INPP4A: variants seen among roughly 807,000 people sequenced by gnomAD.
INPP4A encodes the protein inositol polyphosphate-4-phosphatase, type I, 107kD.
In INPP4A, 33 loss-of-function variants were observed where a neutral mutation model predicts 119.8. The ratio of observed to expected loss-of-function variants is 0.28; its 90% CI spans 0.21 to 0.37. The LOEUF (loss-of-function observed/expected upper bound fraction) is 0.37. Among genes scored for constraint, INPP4A ranks in the 10% least tolerant of loss-of-function variants. The probability of loss-of-function intolerance (pLI) is 1.00; values close to 1 mark genes in which losing one functional copy is unlikely to be tolerated. For synonymous variants in INPP4A, 496 were observed against 500.7 expected, an observed-to-expected ratio of 0.99 and a Z score of 0.12; for missense variants, 956 against 1,289.9, an observed-to-expected ratio of 0.74 and a Z score of 3.97.
intron 22 of INPP4A, chr2:98,571,863 C>G (rs1365755915): frequency 1.3e-5 from 2 of 152,502 alleles, no homozygotes; most frequent in Non-Finnish European, 2.9e-5. Context: ...TGGCTAAGCT[C>G]CCCTCCTCTG....
intron 1 of INPP4A, among the ~76,000 whole-genome samples, chr2:98,445,795 T>C (rs981516079): frequency 6.6e-6 from 1 of 152,198 alleles, no homozygotes; most frequent in Non-Finnish European, 1.5e-5. Flanking sequence ...AATGATGGGT[T>C]CTTCCTGCCC....
chr2:98,488,540 G>A (rs781025966), intron 1 of INPP4A, among the ~76,000 whole-genome samples: 1 of 152,148 alleles, frequency 6.6e-6, no homozygotes, highest in Non-Finnish European at 1.5e-5. Context: ...TTATGCACAG[G>A]CACTCACTCT....
Position 98,568,656 on chromosome 2 carries a change from T to C in INPP4A, c.2506T>C (p.Leu836=), listed in dbSNP as rs766679713. 65 of 1,575,680 alleles carry C rather than the reference T, an allele frequency of 4.1e-5. No homozygotes were observed. In the South Asian group the frequency reaches 7.3e-4, roughly 18 times the overall value. The part of the protein sequence containing the change: ...NSYFEQFKEV[L]PEDCLPRSRS... Reference sequence around the variant, plus strand: ...CTACTTTGAGCAGTTTAAGGAAGTTTTGCCTGAGGATTGTAAGTATTTCTT... The same window carrying C: ...CTACTTTGAGCAGTTTAAGGAAGTTCTGCCTGAGGATTGTAAGTATTTCTT... Residue 836 remains leucine, a synonymous_variant, in exon 22 of 25, where the codon TTG becomes CTG. Coordinates refer to ENST00000409851, the MANE Select transcript of INPP4A (RefSeq NM_001134225.2).
intron 4 of INPP4A, among the ~76,000 whole-genome samples, chr2:98,531,588 G>A (rs561416655): frequency 3.3e-5 from 5 of 152,204 alleles, no homozygotes; most frequent in Admixed American, 6.5e-5. Flanking sequence ...ATACTCAGTG[G>A]GAAAATTATA....
At chr2:98,565,792 G>A (rs1559087986) in intron 20 of INPP4A, 26 bp downstream of exon 20, 1 of 1,602,502 alleles carries the variant, frequency 6.2e-7, no homozygotes, top group Non-Finnish European at 8.5e-7. Context: ...AAAATTCTCT[G>A]AGCCAGAGAG....
intron 1 of INPP4A, among the ~76,000 whole-genome samples, chr2:98,450,789 A>G (rs1253518243): frequency 6.6e-6 from 1 of 151,810 alleles, no homozygotes; most frequent in African/African-American, 2.4e-5. Context: ...TTTGAGATGG[A>G]GTCTCACTCT....
At chr2:98,454,398 G>A (rs372493558) in intron 1 of INPP4A, among the ~76,000 whole-genome samples, 3 of 152,124 alleles carry the variant, frequency 2.0e-5, no homozygotes, top group Admixed American at 6.5e-5. Flanking sequence ...TTGTTTTTTG[G>A]GGGTAGGGGC....
intron 1 of INPP4A, among the ~76,000 whole-genome samples, chr2:98,497,551 T>C (rs544084714): frequency 6.6e-6 from 1 of 152,390 alleles, no homozygotes; most frequent in Non-Finnish European, 1.5e-5. Flanking sequence ...ACATCTTCTT[T>C]TGGGAAATGT....
chr2:98,485,765 A>G (rs886267730), intron 1 of INPP4A, among the ~76,000 whole-genome samples: 2 of 152,218 alleles, frequency 1.3e-5, no homozygotes, highest in Non-Finnish European at 2.9e-5. Context: ...TTTTGTTTTT[A>G]TAATACAAAA....
chr2:98,456,092 A>G (rs1696094217), intron 1 of INPP4A, among the ~76,000 whole-genome samples: 1 of 152,150 alleles, frequency 6.6e-6, no homozygotes, highest in Non-Finnish European at 1.5e-5. Context: ...AGCATACTTT[A>G]TGCACACTTA....
At chr2:98,449,248 A>G (rs1351245447) in intron 1 of INPP4A, among the ~76,000 whole-genome samples, 1 of 152,242 alleles carries the variant, frequency 6.6e-6, no homozygotes, top group South Asian at 2.1e-4. Context: ...ACCTGAGTCA[A>G]TTATTATGAT....
At chr2:98,466,278 T>C (rs1018423880) in intron 1 of INPP4A, among the ~76,000 whole-genome samples, 5 of 152,256 alleles carry the variant, frequency 3.3e-5, no homozygotes, top group African/African-American at 1.2e-4. Flanking sequence ...ACTCTTGACC[T>C]CAAGCAATCT....
chr2:98,463,529 T>C (rs1170038111), intron 1 of INPP4A, among the ~76,000 whole-genome samples: 1 of 152,240 alleles, frequency 6.6e-6, no homozygotes, highest in Admixed American at 6.5e-5. Flanking sequence ...GAATCTGTGA[T>C]ATGGCATGGT....
intron 1 of INPP4A, among the ~76,000 whole-genome samples, chr2:98,515,365 G>T (rs1187271915): frequency 1.3e-5 from 2 of 151,224 alleles, no homozygotes; most frequent in African/African-American, 4.9e-5. Flanking sequence ...CCTGTGTTTG[G>T]AGAGCAGAGG....
Position 98,484,693 on chromosome 2 carries a change from C to T in INPP4A, c.-165-34271C>T, listed in dbSNP as rs1679187531. ...AGCATGATGTGTCCATCTCCCAGTG[C>T]TTAACATTTTTATACGTGTTCTTTT... is the stretch of plus-strand genomic sequence containing the variant. On this transcript the variant is annotated intron_variant, in intron 1 of 24. Coordinates refer to ENST00000409851, the MANE Select transcript of INPP4A (RefSeq NM_001134225.2). Among the ~76,000 whole-genome samples, 4 of 152,266 alleles carry T rather than the reference C, an allele frequency of 2.6e-5. No homozygotes were observed. In the South Asian group the frequency reaches 8.3e-4, roughly 32 times the overall value.
At chr2:98,550,961 T>C (rs80224638) in intron 13 of INPP4A, among the ~76,000 whole-genome samples, 16 of 152,038 alleles carry the variant, frequency 1.1e-4, no homozygotes, top group South Asian at 8.3e-4. Context: ...TTTTTTTTTT[T>C]CCACTGTTTT....
chr2:98,456,013 C>G (rs930213899), intron 1 of INPP4A, among the ~76,000 whole-genome samples: 1 of 152,184 alleles, frequency 6.6e-6, no homozygotes, highest in Admixed American at 6.5e-5. Flanking sequence ...TCCCCCAGTA[C>G]AACTACAGCA....
intron 1 of INPP4A, among the ~76,000 whole-genome samples, chr2:98,449,596 C>T (rs1377609644): frequency 6.6e-6 from 1 of 152,172 alleles, no homozygotes. Context: ...GCCATTTCTC[C>T]AAAGAGTCCT....
intron 1 of INPP4A, among the ~76,000 whole-genome samples, chr2:98,448,458 A>G (rs1171021785): frequency 6.6e-6 from 1 of 151,770 alleles, no homozygotes; most frequent in Admixed American, 6.6e-5. Context: ...TGTCCTTTAT[A>G]GCAAAAGAAA....
Sources: allele counts gnomAD v4.1 joint callset (sites outside exome capture counted in the v4.1 genomes callset), GRCh38; gene constraint gnomAD v4.1.1; transcripts MANE v1.5; gene names NCBI Gene and HGNC (gene_info 2026-07-23, HGNC 2026-07-21).